The following MANBAL variants were observed in gnomAD, a reference collection of about 807,000 sequenced individuals.
MANBAL encodes the protein protein MANBAL.
MANBAL carries 1 observed loss-of-function variant against 6.4 expected under a neutral mutation model. The ratio of observed to expected loss-of-function variants is 0.16; its 90% confidence interval spans 0.06 to 0.74. MANBAL has a LOEUF of 0.74. Ranked by LOEUF, MANBAL falls within the 30% of genes least tolerant of loss-of-function variation. The pLI, the probability that MANBAL is intolerant of heterozygous loss-of-function variation, is 0.78. For synonymous variants in MANBAL, 47 were observed against 45.8 expected (o/e 1.03, Z -0.10); for missense variants, 100 against 107.8 (o/e 0.93, Z 0.32).
intron 2 of MANBAL, among the ~76,000 whole-genome samples, chr20:37,312,122 G>A (rs1203043957): frequency 1.3e-5 from 2 of 152,152 alleles, no homozygotes; most frequent in East Asian, 3.9e-4. Flanking sequence ...GGGTGAGGAG[G>A]AGACAGATCA....
At chr20:37,305,126 C>A (rs774651755) in intron 2 of MANBAL, among the ~76,000 whole-genome samples, 16 of 152,170 alleles carry the variant, frequency 1.1e-4, no homozygotes, top group African/African-American at 3.9e-4. Context: ...TCACTATTGG[C>A]GTTCTTCCAC....
At chr20:37,289,856 C>T (rs2068823346) in intron 1 of MANBAL, among the ~76,000 whole-genome samples, 170 bp downstream of exon 1, 1 of 152,214 alleles carries the variant, frequency 6.6e-6, no homozygotes, top group South Asian at 2.1e-4. Flanking sequence ...AAAGTTACTT[C>T]CGGAGGGGAA....
In MANBAL at chr20:37,292,482, A is replaced by G. The variant is rs149144677; in HGVS notation, c.-57+2796A>G. Among the ~76,000 whole-genome samples, 1,406 of 152,190 alleles carry G rather than the reference A, an allele frequency of 9.2e-3. 30 individuals are homozygous for G. Among genetic ancestry groups the G allele is most frequent in the African/African-American group, 0.031 (1,287 of 41,520 alleles). ...ATGGCTGGCTAATTTTTGTATTTTT[A>G]GTAGAGAGAGTTTCACCATGTTGGC... On this transcript the variant is annotated intron_variant, in intron 1 of 2. Transcript: ENST00000373606.
chr20:37,294,598 C>T (rs528161558), intron 1 of MANBAL, among the ~76,000 whole-genome samples: 2 of 152,354 alleles, frequency 1.3e-5, no homozygotes, highest in South Asian at 4.1e-4. Context: ...CTTGCCGTCC[C>T]TCCATCCTGG....
At chr20:37,297,799 T>G (rs925138751) in intron 1 of MANBAL, among the ~76,000 whole-genome samples, 1 of 152,040 alleles carries the variant, frequency 6.6e-6, no homozygotes, top group Non-Finnish European at 1.5e-5. Context: ...CCTGCCACCA[T>G]GTCCGGCTAA....
At chr20:37,295,670 A>G (rs1283546582) in intron 1 of MANBAL, among the ~76,000 whole-genome samples, 3 of 152,204 alleles carry the variant, frequency 2.0e-5, no homozygotes, top group East Asian at 3.9e-4. Context: ...TGGGTAGGTC[A>G]TATAACCTCT....
At chr20:37,304,080 A>G (rs1387707390) in intron 2 of MANBAL, among the ~76,000 whole-genome samples, 1 of 152,244 alleles carries the variant, frequency 6.6e-6, no homozygotes, top group East Asian at 1.9e-4. Context: ...CACTTTTAAA[A>G]TAACTATATT....
chr20:37,289,916 T>C (rs2068825301), intron 1 of MANBAL, among the ~76,000 whole-genome samples: 1 of 152,210 alleles, frequency 6.6e-6, no homozygotes, highest in Non-Finnish European at 1.5e-5. Flanking sequence ...GCCCTGCGCT[T>C]TCGTGCGGAG....
intron 1 of MANBAL, among the ~76,000 whole-genome samples, 171 bp downstream of exon 1, chr20:37,289,857 C>T (rs1199928612): frequency 6.6e-6 from 1 of 152,202 alleles, no homozygotes; most frequent in Non-Finnish European, 1.5e-5. Context: ...AAGTTACTTC[C>T]GGAGGGGAAT....
intron 1 of MANBAL, among the ~76,000 whole-genome samples, chr20:37,300,939 T>C (rs1352426709): frequency 6.6e-6 from 1 of 151,924 alleles, no homozygotes; most frequent in Non-Finnish European, 1.5e-5. Context: ...GGTCAGGAGT[T>C]CAAGACCAGC....
At chr20:37,311,810 C>A (rs114253372) in intron 2 of MANBAL, among the ~76,000 whole-genome samples, 181 of 152,228 alleles carry the variant, frequency 1.2e-3, no homozygotes, top group African/African-American at 4.2e-3. Flanking sequence ...TTAGGAAAAT[C>A]GACTCTGAAA....
At chr20:37,302,649 T>G (rs1439688132) in intron 2 of MANBAL, among the ~76,000 whole-genome samples, 1 of 152,222 alleles carries the variant, frequency 6.6e-6, no homozygotes, top group Non-Finnish European at 1.5e-5. Context: ...TTCTTTCCCT[T>G]TATTTATCAA....
chr20:37,309,925 AT>A (rs1389654453), intron 2 of MANBAL, among the ~76,000 whole-genome samples: 1 of 152,122 alleles, frequency 6.6e-6, no homozygotes, highest in Admixed American at 6.5e-5. Context: ...TTGCAGTTGA[AT>A]TGAGAGGCAG....
chr20:37,311,162 G>A (rs1568604045), intron 2 of MANBAL, among the ~76,000 whole-genome samples: 1 of 152,240 alleles, frequency 6.6e-6, no homozygotes, highest in Non-Finnish European at 1.5e-5. Context: ...CATCCACATG[G>A]CACACAGCCA....
At chr20:37,302,414 T>G in intron 2 of MANBAL, 1 of 1,499,174 alleles carries the variant, frequency 6.7e-7, no homozygotes, top group Non-Finnish European at 9.1e-7. Flanking sequence ...TTAGAGATTC[T>G]TGGATTGATC....
intron 2 of MANBAL, chr20:37,302,224 C>T: frequency 1.3e-6 from 2 of 1,550,176 alleles, no homozygotes; most frequent in South Asian, 2.4e-5. Context: ...TTGGCTATTG[C>T]TTCTCTGTGG....
intron 1 of MANBAL, among the ~76,000 whole-genome samples, chr20:37,292,695 G>A (rs1300188762): frequency 1.3e-5 from 2 of 152,274 alleles, no homozygotes; most frequent in East Asian, 1.9e-4. Context: ...TCCTCCATTG[G>A]CCATTGGGAG....
intron 1 of MANBAL, among the ~76,000 whole-genome samples, chr20:37,293,225 T>C (rs2068913448): frequency 6.6e-6 from 1 of 152,146 alleles, no homozygotes; most frequent in Non-Finnish European, 1.5e-5. Context: ...TACATTGTAA[T>C]ATATAATGGA....
chr20:37,311,527 G>T (rs902146503), intron 2 of MANBAL, among the ~76,000 whole-genome samples: 2 of 152,128 alleles, frequency 1.3e-5, no homozygotes, highest in African/African-American at 4.8e-5. Flanking sequence ...TGCTCTTGTT[G>T]CCCAGGCTGG....
Sources: gnomAD v4.1 joint callset for allele counts (sites outside exome capture counted in the v4.1 genomes callset) on GRCh38, gnomAD v4.1.1 for gene constraint, MANE v1.5 for transcripts, NCBI Gene and HGNC (gene_info 2026-07-23, HGNC 2026-07-21) for gene names.